The following AGAP1 variants were observed in gnomAD, a reference collection of about 807,000 sequenced individuals.
AGAP1 encodes the protein arf-GAP with GTPase, ANK repeat and PH domain-containing protein 1.
A neutral mutation model predicts 105.3 loss-of-function variants in AGAP1; 29 were observed. The ratio of observed to expected loss-of-function variants is 0.28; its 90% CI spans 0.21 to 0.38. AGAP1 has a LOEUF of 0.38. Among genes scored for constraint, AGAP1 ranks in the 10% least tolerant of loss-of-function variants. AGAP1 has a pLI of 1.00. For synonymous variants in AGAP1, 509 were observed against 485.9 expected, an observed-to-expected ratio of 1.05 and a Z score of -0.63; for missense variants, 998 against 1,165.1, an observed-to-expected ratio of 0.86 and a Z score of 2.09.
chr2:236,091,497 G>A (rs987760056), intron 16 of AGAP1, among the ~76,000 whole-genome samples: 6 of 152,212 alleles, frequency 3.9e-5, no homozygotes, highest in South Asian at 2.1e-4. Context: ...TAGGCCGGGC[G>A]CGGTGGCTCA....
intron 16 of AGAP1, among the ~76,000 whole-genome samples, chr2:236,103,128 G>A (rs1053468924): frequency 1.3e-5 from 2 of 151,740 alleles, no homozygotes; most frequent in African/African-American, 4.8e-5. Flanking sequence ...CCTCCTCCCT[G>A]CTCCAGACAG....
Position 235,734,105 on chromosome 2 carries a change from G to A in AGAP1, c.311-6858G>A, listed in dbSNP as rs956472404. 5.3e-5 allele frequency among the ~76,000 whole-genome samples: 8 copies of A among 152,152 alleles called. No individual in the cohort carries two copies. The highest frequency in any genetic ancestry group is 1.7e-4 in the African/African-American group (7 of 41,434). ...TTTAAATATTCTCCTAGGGAAAAACGAGGGCTGATTGTCCTTTTCAAGGTA... is the reference window on the plus strand; with the variant it reads ...TTTAAATATTCTCCTAGGGAAAAACAAGGGCTGATTGTCCTTTTCAAGGTA... On this transcript the variant is annotated intron_variant, in intron 3 of 17. Transcript: ENST00000304032. This position sits in a 1 kb window ranked among gnomAD's most constrained non-coding sequence, Gnocchi z 5.3.
In AGAP1 at chr2:235,569,940, T is replaced by A. The variant is rs533812033; in HGVS notation, c.163+75091T>A. ...ATAGAATTGAACACGAAAACCAGAG[T>A]TGTATATCTAAGGAAAACATGGTGT... On this transcript the variant is annotated intron_variant, in intron 1 of 17. Transcript: ENST00000304032. This position sits in a 1 kb window ranked among gnomAD's most constrained non-coding sequence, Gnocchi z 5.9. Among the ~76,000 whole-genome samples, 1 of 152,254 alleles carries A rather than the reference T, an allele frequency of 6.6e-6. No individual in the cohort carries two copies. Among genetic ancestry groups the A allele is most frequent in the South Asian group, 2.1e-4 (1 of 4,810 alleles).
rs991751448 is a variant in AGAP1 at position 235,845,707 on chromosome 2, C to T, written c.1051-37638C>T. Among the ~76,000 whole-genome samples the T allele has an allele frequency of 2.6e-4, 40 of 152,122 alleles. No homozygotes were observed. Among genetic ancestry groups the T allele is most frequent in the East Asian group, 1.2e-3 (6 of 5,170 alleles). ...CCACGGAGTCACCCAAGTCACCAGC[C>T]GGGACTATTCCTGATGTCATCTATT... On this transcript the variant is annotated intron_variant, in intron 9 of 17. Coordinates refer to ENST00000304032, the MANE Select transcript of AGAP1 (RefSeq NM_001037131.3). The surrounding 1 kb of genome is among the most constrained non-coding windows in gnomAD (Gnocchi z 4.8).
intron 1 of AGAP1, among the ~76,000 whole-genome samples, chr2:235,500,823 C>G (rs964358453): frequency 6.6e-6 from 1 of 152,152 alleles, no homozygotes. Flanking sequence ...CTAGAGCCAG[C>G]AAACAAAAGA....
chr2:235,679,959 G>A (rs968108518), intron 1 of AGAP1, among the ~76,000 whole-genome samples: 1 of 152,238 alleles, frequency 6.6e-6, no homozygotes. Context: ...ACGTGGATCT[G>A]TGTTGTACTG....
chr2:235,513,734 A>G (rs1034151522), intron 1 of AGAP1, among the ~76,000 whole-genome samples: 29 of 152,020 alleles, frequency 1.9e-4, no homozygotes, highest in African/African-American at 5.3e-4. Context: ...GGGTGAACCA[A>G]ATCCTGGAGC....
chr2:235,708,721 T>G (rs1270044879), intron 1 of AGAP1, among the ~76,000 whole-genome samples: 1 of 152,204 alleles, frequency 6.6e-6, no homozygotes, highest in Non-Finnish European at 1.5e-5. Context: ...GCTGTGTGTG[T>G]GGGATTTCAG....
intron 12 of AGAP1, among the ~76,000 whole-genome samples, chr2:235,935,760 G>T (rs532842792): frequency 6.6e-4 from 101 of 152,190 alleles, no homozygotes; most frequent in African/African-American, 2.3e-3. Flanking sequence ...AATTTTTTTT[G>T]ATTAATCATT....
At chr2:235,501,128 A>C (rs952460402) in intron 1 of AGAP1, among the ~76,000 whole-genome samples, 1 of 152,150 alleles carries the variant, frequency 6.6e-6, no homozygotes, top group Non-Finnish European at 1.5e-5. Flanking sequence ...ACATACATTC[A>C]GGTGCACCTG....
chr2:235,765,707 A>G (rs987977073), intron 6 of AGAP1, among the ~76,000 whole-genome samples: 2 of 152,246 alleles, frequency 1.3e-5, no homozygotes, highest in Admixed American at 6.5e-5. Flanking sequence ...AAGCACAGCC[A>G]TAGTTCAGAG....
At chr2:235,644,205 C>T (rs1055533001) in intron 1 of AGAP1, among the ~76,000 whole-genome samples, 6 of 152,058 alleles carry the variant, frequency 3.9e-5, no homozygotes, top group Non-Finnish European at 8.8e-5. Flanking sequence ...TCCTTGGAGG[C>T]GAGATGAGAG....
At position 235,793,363 on chromosome 2, in the gene AGAP1, A is replaced by G. The variant is rs1454230247; in HGVS notation, c.674-4396A>G. Among the ~76,000 whole-genome samples, 1 of 152,104 alleles carries G rather than the reference A, an allele frequency of 6.6e-6. No homozygotes were observed. Among genetic ancestry groups the G allele is most frequent in the Non-Finnish European group, 1.5e-5 (1 of 68,034 alleles). On this transcript the variant is annotated intron_variant, in intron 6 of 17. Coordinates refer to ENST00000304032, the MANE Select transcript of AGAP1 (RefSeq NM_001037131.3). This position sits in a 1 kb window ranked among gnomAD's most constrained non-coding sequence, Gnocchi z 5.3. ...TTTCAGCATTTTGTTTAGTTACCCAATCCATTTCATTTAGTCACCCAAGTA... is the reference window on the plus strand; with the variant it reads ...TTTCAGCATTTTGTTTAGTTACCCAGTCCATTTCATTTAGTCACCCAAGTA...
At chr2:235,910,510 T>TG (rs1401827397) in intron 11 of AGAP1, among the ~76,000 whole-genome samples, 1 of 152,052 alleles carries the variant, frequency 6.6e-6, no homozygotes, top group East Asian at 1.9e-4. Flanking sequence ...GTGCTAACTA[T>TG]GGGGTGGGAA....
rs988965981 is a variant in AGAP1, at chr2:236,113,474, G to A, written c.2115-6718G>A. ...TTTTAAAATGTGTACATGCTTGAGG[G>A]TGTTACCAGGAATGATCAATAAAGT... On this transcript the variant is annotated intron_variant, in intron 16 of 17. Transcript: ENST00000304032. This position sits in a 1 kb window ranked among gnomAD's most constrained non-coding sequence, Gnocchi z 4.3. Among the ~76,000 whole-genome samples, 8 of 152,162 alleles carry A rather than the reference G, an allele frequency of 5.3e-5. No homozygotes were observed. The highest frequency in any genetic ancestry group is 1.9e-4 in the African/African-American group (8 of 41,434).
At chr2:235,524,728 C>T (rs1057128634) in intron 1 of AGAP1, among the ~76,000 whole-genome samples, 1 of 152,186 alleles carries the variant, frequency 6.6e-6, no homozygotes, top group Non-Finnish European at 1.5e-5. Context: ...CACATCACCC[C>T]TCTCTTTTAG....
intron 16 of AGAP1, among the ~76,000 whole-genome samples, chr2:236,054,493 A>AC (rs1204953274): frequency 6.6e-6 from 1 of 151,938 alleles, no homozygotes; most frequent in Admixed American, 6.6e-5. Context: ...AAAAAAAAAA[A>AC]AAAAAAGGGA....
At chr2:235,922,011 A>G (rs745390399) in intron 11 of AGAP1, among the ~76,000 whole-genome samples, 1 of 152,248 alleles carries the variant, frequency 6.6e-6, no homozygotes, top group Non-Finnish European at 1.5e-5. Context: ...CAGATGGCGA[A>G]GGCCTAGTTT....
intron 1 of AGAP1, among the ~76,000 whole-genome samples, chr2:235,667,458 A>T (rs1412466025): frequency 2.0e-5 from 3 of 152,084 alleles, no homozygotes; most frequent in African/African-American, 4.8e-5. Context: ...ACTAAGACAA[A>T]AAAAAAATGA....
Sources: allele counts gnomAD v4.1 joint callset (sites outside exome capture counted in the v4.1 genomes callset), GRCh38; gene constraint gnomAD v4.1.1; non-coding constraint Gnocchi (gnomAD v3.1); transcripts MANE v1.5; gene names NCBI Gene and HGNC (gene_info 2026-07-23, HGNC 2026-07-21).